Variants in OPCML observed in about 807,000 individuals in gnomAD.
The protein encoded by OPCML is opioid-binding protein/cell adhesion molecule.
Under a neutral mutation model 37.8 loss-of-function variants are expected in OPCML, and 13 were observed. The observed-to-expected ratio is 0.34, with a 90% CI of 0.22 to 0.55. OPCML has a LOEUF of 0.55. OPCML is among the 20% of genes least tolerant of loss of function. The pLI, the probability that OPCML is intolerant of heterozygous loss-of-function variation, is 0.91. For missense variants in OPCML, 341 were observed against 435.6 expected (o/e 0.78, Z 1.93); for synonymous variants, 176 against 168.8 (o/e 1.04, Z -0.33).
chr11:133,228,608 C>T (rs1345819577), intron 1 of OPCML, among the ~76,000 whole-genome samples: 1 of 152,232 alleles, frequency 6.6e-6, no homozygotes, highest in Non-Finnish European at 1.5e-5. Context: ...CCTCCCCGTC[C>T]TAGAGCTCTG....
At chr11:132,833,690 A>T (rs4937729) in intron 2 of OPCML, among the ~76,000 whole-genome samples, 3 of 152,034 alleles carry the variant, frequency 2.0e-5, no homozygotes, top group South Asian at 2.1e-4. Context: ...CAAAAATGGG[A>T]GTGGTGTGTT....
chr11:133,120,578 G>A (rs1949405487), intron 1 of OPCML, among the ~76,000 whole-genome samples: 1 of 152,196 alleles, frequency 6.6e-6, no homozygotes, highest in South Asian at 2.1e-4. Flanking sequence ...GCTATGTTGA[G>A]GCAGTCACCC....
chr11:133,364,691 A>G (rs1944500800), intron 1 of OPCML, among the ~76,000 whole-genome samples: 1 of 152,204 alleles, frequency 6.6e-6, no homozygotes, highest in Non-Finnish European at 1.5e-5. Flanking sequence ...AATAAACAGA[A>G]TGTGAGCTCC....
intron 1 of OPCML, among the ~76,000 whole-genome samples, chr11:133,440,036 G>T (rs1442227578): frequency 1.3e-5 from 2 of 152,098 alleles, no homozygotes; most frequent in Non-Finnish European, 2.9e-5. Context: ...CTATTCCTGA[G>T]TAAACCAACA....
chr11:133,287,313 T>A (rs1942329295), intron 1 of OPCML, among the ~76,000 whole-genome samples: 1 of 142,880 alleles, frequency 7.0e-6, no homozygotes, highest in Non-Finnish European at 1.5e-5. Flanking sequence ...GGTTTCACTA[T>A]GTTGCCCAGG....
At chr11:133,113,756 A>T (rs1441649672) in intron 1 of OPCML, among the ~76,000 whole-genome samples, 1 of 152,220 alleles carries the variant, frequency 6.6e-6, no homozygotes, top group Non-Finnish European at 1.5e-5. Context: ...CACCGCAGGT[A>T]AGAAAGTATT....
At chr11:133,364,450 C>T (rs1171386453) in intron 1 of OPCML, among the ~76,000 whole-genome samples, 1 of 152,066 alleles carries the variant, frequency 6.6e-6, no homozygotes, top group Non-Finnish European at 1.5e-5. Context: ...GACTGGGAGC[C>T]CTTAAAAGAC....
chr11:132,682,509 A>G (rs773488972), intron 2 of OPCML, among the ~76,000 whole-genome samples: 1 of 152,244 alleles, frequency 6.6e-6, no homozygotes, highest in Non-Finnish European at 1.5e-5. Context: ...CTGAGTTAAG[A>G]GAGAACAATC....
chr11:133,058,330 G>T lies in OPCML; in HGVS notation c.62-115320C>A, dbSNP rs141598762. 2.0e-3 allele frequency among the ~76,000 whole-genome samples: 304 copies of T among 152,298 alleles called. 1 individual carries two copies. The highest frequency in any genetic ancestry group is 7.1e-3 in the African/African-American group (295 of 41,558). On this transcript the variant is annotated intron_variant, in intron 1 of 7. Coordinates refer to ENST00000524381, the MANE Select transcript of OPCML (RefSeq NM_001012393.5). ...CCCCAGAAAGAAAGTAGCAAAAGGA[G>T]AGCAATTCCAGGTACAAACAGCATC...
intron 1 of OPCML, among the ~76,000 whole-genome samples, chr11:133,186,463 T>C (rs1592084509): frequency 7.7e-6 from 1 of 129,970 alleles, no homozygotes; most frequent in South Asian, 2.3e-4. Context: ...TTACACCAGA[T>C]GGGCAAATTA....
chr11:132,596,303 A>G (rs2096492327), intron 3 of OPCML, among the ~76,000 whole-genome samples: 1 of 152,196 alleles, frequency 6.6e-6, no homozygotes, highest in Non-Finnish European at 1.5e-5. Flanking sequence ...GTTTGAACAG[A>G]CATATGTCTG....
At chr11:133,414,757 G>T (rs896362537) in intron 1 of OPCML, among the ~76,000 whole-genome samples, 8 of 152,042 alleles carry the variant, frequency 5.3e-5, no homozygotes. Flanking sequence ...ACAGTGACGC[G>T]AACAGACTGT....
At position 132,437,938 on chromosome 11, in the gene OPCML, A is replaced by T. The variant is rs191521867; in HGVS notation, c.506-579T>A. Among the ~76,000 whole-genome samples the T allele has an allele frequency of 2.0e-5, 3 of 152,324 alleles. No homozygotes were observed. The East Asian group carries it at 5.8e-4, about 29-fold the overall frequency. On this transcript the variant is annotated intron_variant, in intron 4 of 7. Transcript: ENST00000524381. ...TAGAGTGAGAATGAATGAACGAGGA[A>T]GGACCCCACGATGGCTTTGTAATAG...
chr11:133,357,639 A>C (rs1199879271), intron 1 of OPCML, among the ~76,000 whole-genome samples: 3 of 152,146 alleles, frequency 2.0e-5, no homozygotes, highest in Non-Finnish European at 4.4e-5. Context: ...AATTCTTCAA[A>C]AAATAATAAA....
chr11:133,204,868 GTATATATATATATATATA>G (rs57658806), intron 1 of OPCML, among the ~76,000 whole-genome samples: 61,673 of 117,868 alleles, frequency 0.52, 15,258 homozygotes, highest in Middle Eastern at 0.65. Context: ...ATATATATGT[GTATATATATATATATATA>G]TATATATATA....
intron 1 of OPCML, among the ~76,000 whole-genome samples, chr11:133,362,566 G>T (rs1054921776): frequency 1.3e-5 from 2 of 152,216 alleles, no homozygotes; most frequent in African/African-American, 2.4e-5. Flanking sequence ...AATCGCCAGG[G>T]AAGATTCCAT....
intron 3 of OPCML, among the ~76,000 whole-genome samples, chr11:132,570,913 G>A (rs11223130): frequency 6.6e-6 from 1 of 150,762 alleles, no homozygotes; most frequent in African/African-American, 2.4e-5. Flanking sequence ...TTGGATTGAA[G>A]TATCTCCAGA....
At chr11:132,677,730 C>T (rs1942770449) in intron 2 of OPCML, among the ~76,000 whole-genome samples, 1 of 152,074 alleles carries the variant, frequency 6.6e-6, no homozygotes, top group African/African-American at 2.4e-5. Flanking sequence ...AGAATCTAGA[C>T]ACAGATCTTA....
chr11:132,457,006 G>T (rs1197382169), intron 4 of OPCML, among the ~76,000 whole-genome samples: 2 of 152,172 alleles, frequency 1.3e-5, no homozygotes, highest in Non-Finnish European at 2.9e-5. Flanking sequence ...CATGCATGGG[G>T]GGAGGGATGC....
Sources: gnomAD v4.1 joint callset for allele counts (sites outside exome capture counted in the v4.1 genomes callset) on GRCh38, gnomAD v4.1.1 for gene constraint, MANE v1.5 for transcripts, NCBI Gene and HGNC (gene_info 2026-07-23, HGNC 2026-07-21) for gene names.